RBBP4: variants seen among roughly 807,000 people sequenced by gnomAD.
RBBP4 encodes the protein histone-binding protein RBBP4.
Under a neutral mutation model 57.2 loss-of-function variants are expected in RBBP4, and 3 were observed. That is an observed-to-expected ratio of 0.05 (90% CI 0.02 to 0.14). RBBP4 has a LOEUF of 0.14. RBBP4 is among the 10% of genes least tolerant of loss of function. The pLI, the probability that RBBP4 is intolerant of heterozygous loss-of-function variation, is 1.00. For synonymous variants in RBBP4, 151 were observed against 171.5 expected (o/e 0.88, Z 0.93); for missense variants, 107 against 520.6 (o/e 0.21, Z 7.73).
chr1:32,664,404 C>T (rs1259017872), intron 3 of RBBP4, among the ~76,000 whole-genome samples: 1 of 152,018 alleles, frequency 6.6e-6, no homozygotes, highest in African/African-American at 2.4e-5. Flanking sequence ...GTGGCTTCTC[C>T]TCCTTTGTTA....
rs1570817991 is a variant in RBBP4, at chr1:32,651,723, A to C, written c.17-191A>C. On this transcript the variant is annotated intron_variant, in intron 1 of 11. Transcript: ENST00000373493. Reference sequence around the variant, plus strand: ...CCCCTTGGCCTGGAACGGGTAACGGAGTGTTTGGCGGGGATGGCCCGAGGA... The same window carrying C: ...CCCCTTGGCCTGGAACGGGTAACGGCGTGTTTGGCGGGGATGGCCCGAGGA... 11 of 801,816 alleles carry C rather than the reference A, an allele frequency of 1.4e-5. No homozygotes were observed. The South Asian group carries it at 1.9e-4, about 14-fold the overall frequency. The allele number at this position is 801,816 out of a possible 1,614,324, so 49.7% of individuals were successfully genotyped here.
Position 32,680,351 on chromosome 1 carries a change from T to C in RBBP4, c.*646T>C. Reference sequence around the variant, plus strand: ...CTGTGAAATGGTGTTTTTTTTTTTGTTGTTGGTTTTTTTTTTTTTTTTTTT... The same window carrying C: ...CTGTGAAATGGTGTTTTTTTTTTTGCTGTTGGTTTTTTTTTTTTTTTTTTT... On this transcript the variant is annotated 3_prime_UTR_variant, in exon 12 of 12. Coordinates refer to ENST00000373493, the MANE Select transcript of RBBP4 (RefSeq NM_005610.3). 2 of 1,193,766 alleles carry C rather than the reference T, an allele frequency of 1.7e-6. No individual in the cohort carries two copies. Among genetic ancestry groups the C allele is most frequent in the Non-Finnish European group, 2.1e-6 (2 of 955,740 alleles). 73.9% of individuals were successfully genotyped at this position (1,193,766 alleles called of 1,614,324 possible). A position where few individuals can be genotyped will look rare whatever the true frequency, so the allele number is the denominator to read the frequency against.
chr1:32,677,123 G>GGAGT (rs1411832139), intron 11 of RBBP4, among the ~76,000 whole-genome samples: 16 of 152,280 alleles, frequency 1.1e-4, no homozygotes, highest in Non-Finnish European at 2.2e-4. Context: ...CAGAGTGCTA[G>GGAGT]GAGTGTCTTT....
chr1:32,651,430 C>G, intron 1 of RBBP4, 108 bp downstream of exon 1: 1 of 1,379,846 alleles, frequency 7.2e-7, no homozygotes, highest in Non-Finnish European at 9.4e-7. Context: ...AGTGCAGTCC[C>G]CGGTACTGAA....
intron 3 of RBBP4, among the ~76,000 whole-genome samples, chr1:32,660,888 CA>C (rs1189294399): frequency 6.6e-6 from 1 of 152,188 alleles, no homozygotes. Flanking sequence ...CCGCTTACTG[CA>C]ACCTCTGCCT....
Position 32,668,133 on chromosome 1 carries a change from A to G in RBBP4, c.311-92A>G, listed in dbSNP as rs1648733161. On this transcript the variant is annotated intron_variant, in intron 3 of 11. Coordinates refer to ENST00000373493, the MANE Select transcript of RBBP4 (RefSeq NM_005610.3). ...CTAGTATTATGCCAGTTTGTTGCTA[A>G]GGAAAAAAAATCCTTTCCTGTGTTC... 3.2e-6 allele frequency: 4 copies of G among 1,231,910 alleles called. No individual in the cohort carries two copies. The South Asian group carries it at 6.2e-5, about 19-fold the overall frequency. The allele number at this position is 1,231,910 out of a possible 1,614,324, so 76.3% of individuals were successfully genotyped here.
chr1:32,660,399 A>G (rs1256308004), intron 3 of RBBP4, among the ~76,000 whole-genome samples: 1 of 151,758 alleles, frequency 6.6e-6, no homozygotes, highest in East Asian at 1.9e-4. Context: ...ATACACCACC[A>G]TACCTGGATT....
chr1:32,659,935 G>A (rs533080906), intron 3 of RBBP4, among the ~76,000 whole-genome samples: 34 of 152,246 alleles, frequency 2.2e-4, no homozygotes, highest in Middle Eastern at 3.4e-3. Flanking sequence ...GGGCAGGACC[G>A]TTTTTTAATA....
chr1:32,677,488 AAAAAAC>A (rs530395983), intron 11 of RBBP4, among the ~76,000 whole-genome samples: 5,476 of 151,210 alleles, frequency 0.036, 179 homozygotes, highest in Admixed American at 0.11. Flanking sequence ...AAAACAAAAC[AAAAAAC>A]AAACAAAAAA....
intron 2 of RBBP4, among the ~76,000 whole-genome samples, chr1:32,656,194 T>A (rs1192878457): frequency 1.3e-5 from 2 of 152,042 alleles, no homozygotes; most frequent in East Asian, 3.8e-4. Context: ...CTTTTATTTA[T>A]TTTTTTCTTT....
In RBBP4 at chr1:32,684,454, A is replaced by G; in HGVS notation, c.*4749A>G. ...ACTCACATTGTCCACTCTTACTTAT[A>G]AAACACTTTTTTGTTCATTGTTTAA... On this transcript the variant is annotated 3_prime_UTR_variant, in exon 12 of 12. Transcript: ENST00000373493. The G allele has an allele frequency of 6.2e-7, 1 of 1,602,226 alleles. No homozygotes were observed. The highest frequency in any genetic ancestry group is 8.5e-7 in the Non-Finnish European group (1 of 1,173,762).
intron 3 of RBBP4, 75 bp downstream of exon 3, chr1:32,657,647 C>G: frequency 1.4e-6 from 2 of 1,473,752 alleles, no homozygotes; most frequent in South Asian, 1.3e-5. Flanking sequence ...AAAGTAAACT[C>G]TGACTTTAGA....
At chr1:32,664,698 G>T (rs559129750) in intron 3 of RBBP4, among the ~76,000 whole-genome samples, 2 of 151,962 alleles carry the variant, frequency 1.3e-5, no homozygotes, top group African/African-American at 4.8e-5. Flanking sequence ...TGATCCACCC[G>T]TCTCGGCCTC....
rs1649189103 is a variant in RBBP4, at chr1:32,678,129, TTCA to T, written c.1213-1505_1213-1503del. ...CAACCACAGTCAATTTGAGAACATT[TTCA>T]TCATCTGAAAAAGAAACCCTGTACC... On this transcript the variant is annotated intron_variant, in intron 11 of 11. Transcript: ENST00000373493. Among the ~76,000 whole-genome samples the T allele has an allele frequency of 2.6e-5, 4 of 152,184 alleles. No individual in the cohort carries two copies. In the South Asian group the frequency reaches 8.3e-4, roughly 32 times the overall value.
chr1:32,655,819 A>G (rs555739800), intron 2 of RBBP4, among the ~76,000 whole-genome samples: 4 of 152,312 alleles, frequency 2.6e-5, no homozygotes, highest in South Asian at 4.1e-4. Flanking sequence ...ATAAACCCCA[A>G]TGAATTCTGG....
Position 32,669,570 on chromosome 1 carries a change from G to GA in RBBP4, c.966+10dup, listed in dbSNP as rs1162946012. 1 of 1,590,806 alleles carries GA rather than the reference G, an allele frequency of 6.3e-7. No homozygotes were observed. The highest frequency in any genetic ancestry group is 8.5e-7 in the Non-Finnish European group (1 of 1,173,904). ...TAAGGATGAAATATTCCAGGTAAGA[G>GA]AAACTAATGCTACTATTTTGTTTGT... On this transcript the variant is annotated splice_region_variant and intron_variant, in intron 8 of 11. Coordinates refer to ENST00000373493, the MANE Select transcript of RBBP4 (RefSeq NM_005610.3). The surrounding 1 kb of genome is among the most constrained non-coding windows in gnomAD (Gnocchi z 4.9).
chr1:32,675,917 C>T (rs749917030), intron 11 of RBBP4, among the ~76,000 whole-genome samples: 12 of 151,470 alleles, frequency 7.9e-5, no homozygotes, highest in African/African-American at 1.2e-4. Flanking sequence ...AAAGTGAGAC[C>T]GTGTCTCTAC....
Position 32,679,897 on chromosome 1 carries a change from A to T in RBBP4, c.*192A>T. ...GGGGGGCTTGATTCAACAAAGCCACAGACTTAACGTTGAAATTTTCTTCAG... is the reference window on the plus strand; with the variant it reads ...GGGGGGCTTGATTCAACAAAGCCACTGACTTAACGTTGAAATTTTCTTCAG... On this transcript the variant is annotated 3_prime_UTR_variant, in exon 12 of 12. Coordinates refer to ENST00000373493, the MANE Select transcript of RBBP4 (RefSeq NM_005610.3). 2 of 1,302,564 alleles carry T rather than the reference A, an allele frequency of 1.5e-6. No individual in the cohort carries two copies. The highest frequency in any genetic ancestry group is 1.9e-6 in the Non-Finnish European group (2 of 1,030,036). 80.7% of individuals were successfully genotyped at this position (1,302,564 alleles called of 1,614,324 possible).
Position 32,669,634 on chromosome 1 carries a change from T to C in RBBP4, c.966+71T>C. 3 of 1,529,436 alleles carry C rather than the reference T, an allele frequency of 2.0e-6. No homozygotes were observed. In the South Asian group the frequency reaches 3.9e-5, roughly 20 times the overall value. 94.7% of individuals were successfully genotyped at this position (1,529,436 alleles called of 1,614,324 possible). On this transcript the variant is annotated intron_variant, in intron 8 of 11. Coordinates refer to ENST00000373493, the MANE Select transcript of RBBP4 (RefSeq NM_005610.3). This position sits in a 1 kb window ranked among gnomAD's most constrained non-coding sequence, Gnocchi z 4.9. ...TGCTGGGCGCGGTCGCTCACGCCTG[T>C]AATCCCAGCACTTTGGGAGGCTGAA...
Sources: gnomAD v4.1 joint callset for allele counts (sites outside exome capture counted in the v4.1 genomes callset) on GRCh38, gnomAD v4.1.1 for gene constraint, Gnocchi (gnomAD v3.1) non-coding constraint, MANE v1.5 for transcripts, NCBI Gene and HGNC (gene_info 2026-07-23, HGNC 2026-07-21) for gene names.